Variants in LINGO2 observed in about 807,000 individuals in gnomAD.
LINGO2 encodes the protein leucine rich repeat and Ig domain containing 2.
LINGO2 carries 14 observed loss-of-function variants against 30.6 expected under a neutral mutation model. The observed-to-expected ratio is 0.46, with a 90% CI of 0.30 to 0.72. The LOEUF (loss-of-function observed/expected upper bound fraction) is 0.72. Ranked by LOEUF, LINGO2 falls within the 30% of genes least tolerant of loss-of-function variation. The pLI is 0.07. For synonymous variants in LINGO2, 317 were observed against 288.5 expected (o/e 1.10, Z -1.00); for missense variants, 729 against 751.7 (o/e 0.97, Z 0.35).
chr9:28,276,574 A>G (rs1823122036), intron 4 of LINGO2, among the ~76,000 whole-genome samples: 1 of 152,254 alleles, frequency 6.6e-6, no homozygotes, highest in East Asian at 1.9e-4. Context: ...TACTCTTCTG[A>G]TCTCCCTTCC....
chr9:28,047,851 A>C (rs572030044), intron 4 of LINGO2, among the ~76,000 whole-genome samples: 2 of 151,100 alleles, frequency 1.3e-5, no homozygotes, highest in Admixed American at 6.6e-5. Context: ...AGGTAGGTAT[A>C]ATTTTTGCCA....
At chr9:28,399,389 T>C (rs1313540482) in intron 2 of LINGO2, among the ~76,000 whole-genome samples, 1 of 152,160 alleles carries the variant, frequency 6.6e-6, no homozygotes, top group African/African-American at 2.4e-5. Context: ...AAAAAGTATA[T>C]AAATATTGGA....
chr9:28,499,012 G>T (rs1819778993), intron 1 of LINGO2, among the ~76,000 whole-genome samples: 1 of 151,774 alleles, frequency 6.6e-6, no homozygotes, highest in Non-Finnish European at 1.5e-5. Context: ...CAAACTTATG[G>T]GGATGTAACC....
chr9:28,494,882 G>T (rs1393270829), intron 1 of LINGO2, among the ~76,000 whole-genome samples: 8 of 152,150 alleles, frequency 5.3e-5, no homozygotes, highest in Admixed American at 3.3e-4. Context: ...AGCACCTGTT[G>T]TTTCCTGACC....
chr9:28,108,824 T>C (rs1826677017), intron 4 of LINGO2, among the ~76,000 whole-genome samples: 1 of 152,114 alleles, frequency 6.6e-6, no homozygotes. Flanking sequence ...CCATGTTTTG[T>C]AGATGAGGAA....
At chr9:28,013,738 TTC>T in intron 4 of LINGO2, among the ~76,000 whole-genome samples, 1 of 152,320 alleles carries the variant, frequency 6.6e-6, no homozygotes, top group African/African-American at 2.4e-5. Flanking sequence ...ATATTTCTGA[TTC>T]TTTTTTTCTA....
the LINGO2 span, among the ~76,000 whole-genome samples, chr9:28,903,060 C>T: frequency 6.7e-6 from 1 of 148,224 alleles, no homozygotes; most frequent in Non-Finnish European, 1.5e-5. Context: ...ACTAGAAAAA[C>T]AATTGAAAAA....
chr9:27,966,696 C>G (rs1820118310), intron 5 of LINGO2, among the ~76,000 whole-genome samples: 1 of 151,984 alleles, frequency 6.6e-6, no homozygotes, highest in African/African-American at 2.4e-5. Context: ...ATGTAACAAA[C>G]CTGCATGTTC....
intron 1 of LINGO2, among the ~76,000 whole-genome samples, chr9:28,548,072 C>A (rs377678998): frequency 9.9e-5 from 15 of 152,094 alleles, no homozygotes; most frequent in South Asian, 2.1e-4. Flanking sequence ...AAAGCAGGAA[C>A]CTGGAGAGCT....
chr9:27,979,825 T>C (rs1820770963), intron 5 of LINGO2, among the ~76,000 whole-genome samples: 1 of 151,976 alleles, frequency 6.6e-6, no homozygotes, highest in South Asian at 2.1e-4. Flanking sequence ...AAAAAGGCTT[T>C]CACAGGAAAT....
chr9:28,048,629 T>C lies in LINGO2; in HGVS notation c.-86-36224A>G. 1.3e-5 allele frequency among the ~76,000 whole-genome samples: 2 copies of C among 150,874 alleles called. 1 individual carries two copies. The highest frequency in any genetic ancestry group is 2.9e-5 in the Non-Finnish European group (2 of 67,870). ...ATAGACTGATTCGGTAATTTTATTC[T>C]CTAGAATTTCTAATTATTCAACAAA... On this transcript the variant is annotated intron_variant, in intron 4 of 5. Coordinates refer to ENST00000379992, the Ensembl canonical transcript of LINGO2.
At chr9:28,900,154 G>T in the LINGO2 span, among the ~76,000 whole-genome samples, 1 of 152,134 alleles carries the variant, frequency 6.6e-6, no homozygotes, top group East Asian at 2.0e-4. Context: ...CCATGTACCA[G>T]ATCAGTCTCA....
chr9:28,612,101 G>T (rs566434381), intron 1 of LINGO2, among the ~76,000 whole-genome samples: 1 of 152,082 alleles, frequency 6.6e-6, no homozygotes, highest in South Asian at 2.1e-4. Flanking sequence ...GGTCTCTATT[G>T]CCTGTGAAAA....
At chr9:28,924,904 T>C in the LINGO2 span, among the ~76,000 whole-genome samples, 34 of 152,308 alleles carry the variant, frequency 2.2e-4, no homozygotes, top group South Asian at 5.8e-3. Context: ...TTGTCTGATA[T>C]AAAGATAGCC....
intron 4 of LINGO2, among the ~76,000 whole-genome samples, chr9:28,150,597 G>T (rs971605574): frequency 6.6e-6 from 1 of 152,202 alleles, no homozygotes; most frequent in Non-Finnish European, 1.5e-5. Context: ...CGATGTTGTA[G>T]TTGAGAGCAG....
intron 4 of LINGO2, among the ~76,000 whole-genome samples, chr9:28,175,016 G>A (rs528919875): frequency 6.6e-6 from 1 of 151,606 alleles, no homozygotes; most frequent in East Asian, 1.9e-4. Flanking sequence ...ATTGTATAAG[G>A]GTAACTGCCT....
At chr9:29,153,995 T>A in the LINGO2 span, among the ~76,000 whole-genome samples, 1 of 152,168 alleles carries the variant, frequency 6.6e-6, no homozygotes, top group Non-Finnish European at 1.5e-5. Context: ...TCTATTCAAC[T>A]GATGCTGATG....
intron 4 of LINGO2, among the ~76,000 whole-genome samples, chr9:28,287,230 T>C (rs890994542): frequency 1.3e-5 from 2 of 152,236 alleles, no homozygotes; most frequent in Admixed American, 6.5e-5. Flanking sequence ...ATACTGACTC[T>C]GATGTACTAC....
intron 2 of LINGO2, among the ~76,000 whole-genome samples, chr9:28,433,949 C>CTCTCTCTATATATATATATATATATA (rs1225323260): frequency 9.0e-5 from 8 of 88,536 alleles, no homozygotes; most frequent in African/African-American, 3.6e-4. Flanking sequence ...CTCTCTCTCT[C>CTCTCTCTATATATATATATATATATA]TATATATATA....
Sources: allele counts gnomAD v4.1 joint callset (sites outside exome capture counted in the v4.1 genomes callset), GRCh38; gene constraint gnomAD v4.1.1; transcripts MANE v1.5; gene names NCBI Gene and HGNC (gene_info 2026-07-23, HGNC 2026-07-21).